The following LARP4 variants were observed in gnomAD, a reference collection of about 807,000 sequenced individuals.
LARP4 encodes the protein La ribonucleoprotein 4.
Under a neutral mutation model 92.9 loss-of-function variants are expected in LARP4, and 29 were observed. The ratio of observed to expected loss-of-function variants is 0.31; its 90% CI spans 0.23 to 0.43. LARP4 has a LOEUF of 0.43. LARP4 is among the 20% of genes least tolerant of loss of function. LARP4 has a pLI of 1.00. For missense variants in LARP4, 732 were observed against 860.0 expected (o/e 0.85, Z 1.86); for synonymous variants, 279 against 284.1 (o/e 0.98, Z 0.18).
In LARP4 at chr12:50,474,021, C is replaced by A; in HGVS notation, c.1690C>A (p.Leu564Ile). The change falls in exon 15 of 16, where the codon CTA becomes ATA. Residue 564 changes from leucine (L) to isoleucine (I), a missense_variant. Leu to Ile is a conservative substitution (Grantham distance 5, BLOSUM62 2). This residue lies in a region of LARP4 where 97 missense variants were observed against 85.9 expected (regional missense o/e 1.13). Coordinates refer to ENST00000398473, the MANE Select transcript of LARP4 (RefSeq NM_052879.5). Reference protein sequence around the residue: ...ALSTTQQEKDLIEDSSVQKDG... With the variant: ...ALSTTQQEKDIIEDSSVQKDG... ...TAGCACAACTCAGCAAGAAAAGGAT[C>A]TAATAGAAGATTCCTCTGTTCAGAA... 6.2e-7 allele frequency: 1 copy of A among 1,611,774 alleles called. No homozygotes were observed. Among genetic ancestry groups the A allele is most frequent in the Non-Finnish European group, 8.5e-7 (1 of 1,179,822 alleles).
intron 1 of LARP4, among the ~76,000 whole-genome samples, chr12:50,426,733 T>G (rs1370047703): frequency 7.0e-3 from 458 of 65,878 alleles, no homozygotes; most frequent in East Asian, 0.047. Context: ...GTGTGTGTGG[T>G]TTTTTTTTTT....
intron 8 of LARP4, among the ~76,000 whole-genome samples, chr12:50,446,003 C>CTTTTTTTTTT (rs71441367): frequency 2.4e-5 from 3 of 126,942 alleles, no homozygotes; most frequent in South Asian, 2.7e-4. Flanking sequence ...TTTCTTTTTT[C>CTTTTTTTTTT]TTTTTTTTTT....
At chr12:50,446,581 A>G (rs1233059527) in intron 8 of LARP4, among the ~76,000 whole-genome samples, 1 of 148,212 alleles carries the variant, frequency 6.7e-6, no homozygotes, top group Non-Finnish European at 1.5e-5. Context: ...GACGCATGCC[A>G]CCATGCTTGG....
chr12:50,401,877 T>C (rs1020936304), intron 1 of LARP4, among the ~76,000 whole-genome samples: 1 of 152,222 alleles, frequency 6.6e-6, no homozygotes, highest in Non-Finnish European at 1.5e-5. Context: ...CTTACAGAAA[T>C]ACGAAATTTA....
At chr12:50,458,387 C>G (rs1224289571) in intron 10 of LARP4, among the ~76,000 whole-genome samples, 3 of 152,102 alleles carry the variant, frequency 2.0e-5, no homozygotes, top group African/African-American at 7.2e-5. Flanking sequence ...GCCTTGGCCT[C>G]CCAAAGTGCT....
intron 8 of LARP4, 109 bp from the exon 9 acceptor site, chr12:50,453,351 G>T: frequency 1.7e-6 from 1 of 598,762 alleles, no homozygotes; most frequent in South Asian, 2.7e-5. Context: ...TGATTCTACT[G>T]TAGGCAGAAA....
intron 2 of LARP4, among the ~76,000 whole-genome samples, chr12:50,428,426 G>A (rs988374758): frequency 1.3e-5 from 2 of 152,042 alleles, no homozygotes; most frequent in Non-Finnish European, 2.9e-5. Context: ...CATGTAGTTT[G>A]TATATAATTC....
At chr12:50,463,664 A>AAGGCCTT (rs1955766333) in intron 12 of LARP4, among the ~76,000 whole-genome samples, 2 of 152,120 alleles carry the variant, frequency 1.3e-5, no homozygotes, top group African/African-American at 4.8e-5. Flanking sequence ...TTGGGCTCCC[A>AAGGCCTT]AGGCCTTAGG....
intron 8 of LARP4, among the ~76,000 whole-genome samples, chr12:50,444,735 T>A (rs1951741322): frequency 6.6e-6 from 1 of 152,224 alleles, no homozygotes; most frequent in African/African-American, 2.4e-5. Context: ...ACTCATTTCC[T>A]AATTTATTGA....
At chr12:50,475,486 A>C in intron 15 of LARP4, 40 bp from the exon 16 acceptor site, 2 of 1,435,234 alleles carry the variant, frequency 1.4e-6, no homozygotes, top group Non-Finnish European at 1.9e-6. Context: ...AATTTAAAGA[A>C]TGTGTACCAT....
rs1957500377 is a variant in LARP4 at position 50,475,914 on chromosome 12, A to G, written c.*50A>G. The G allele has an allele frequency of 1.3e-6, 2 of 1,514,304 alleles. No individual in the cohort carries two copies. The highest frequency in any genetic ancestry group is 2.4e-5 in the South Asian group (2 of 85,018). 93.8% of individuals were successfully genotyped at this position (1,514,304 alleles called of 1,614,324 possible). A position where few individuals can be genotyped will look rare whatever the true frequency, so the allele number is the denominator to read the frequency against. On this transcript the variant is annotated 3_prime_UTR_variant, in exon 16 of 16. Transcript: ENST00000398473. Reference sequence around the variant, plus strand: ...TTCACTCTCTTCCCATTAAACTTGAACTGTGGCTATATTGAACTGTTTTGG... The same window carrying G: ...TTCACTCTCTTCCCATTAAACTTGAGCTGTGGCTATATTGAACTGTTTTGG...
In LARP4 at chr12:50,454,246, T is replaced by C. The variant is rs1953811815; in HGVS notation, c.1018-68T>C. On this transcript the variant is annotated intron_variant, in intron 9 of 15. Coordinates refer to ENST00000398473, the MANE Select transcript of LARP4 (RefSeq NM_052879.5). ...AGATAAATTCATAAGCTCATTAAGG[T>C]TCTTGTGACCCTCACACCAGATTTT... 6.1e-6 allele frequency: 7 copies of C among 1,146,256 alleles called. No homozygotes were observed. In the South Asian group the frequency reaches 9.8e-5, roughly 16 times the overall value. The allele number at this position is 1,146,256 out of a possible 1,614,324, so 71.0% of individuals were successfully genotyped here. A position where few individuals can be genotyped will look rare whatever the true frequency, so the allele number is the denominator to read the frequency against.
intron 5 of LARP4, 97 bp downstream of exon 5, chr12:50,435,721 C>A: frequency 1.2e-6 from 1 of 824,286 alleles, no homozygotes; most frequent in Non-Finnish European, 1.9e-6. Context: ...ACTGCCCCCT[C>A]CCCACACCCT....
At position 50,400,948 on chromosome 12, in the gene LARP4, C is replaced by A. The variant is rs1943693183; in HGVS notation, c.-63C>A. ...TGTGTCCTTATCCTAGCAATTGGGGCGCGGGCCTGTGAGCCAGTTGGAGTT... is the reference window on the plus strand; with the variant it reads ...TGTGTCCTTATCCTAGCAATTGGGGAGCGGGCCTGTGAGCCAGTTGGAGTT... On this transcript the variant is annotated 5_prime_UTR_variant, in exon 1 of 16. Transcript: ENST00000398473. 3 of 1,610,852 alleles carry A rather than the reference C, an allele frequency of 1.9e-6. No homozygotes were observed. The South Asian group carries it at 3.3e-5, about 18-fold the overall frequency.
intron 6 of LARP4, 24 bp downstream of exon 6, chr12:50,437,862 A>C (rs762326838): frequency 1.5e-6 from 2 of 1,373,894 alleles, no homozygotes; most frequent in East Asian, 2.3e-5. Flanking sequence ...AATTGTTAAC[A>C]CTAAATGTTC....
chr12:50,439,617 C>T (rs1463171620), intron 6 of LARP4, among the ~76,000 whole-genome samples: 3 of 152,094 alleles, frequency 2.0e-5, no homozygotes, highest in Non-Finnish European at 4.4e-5. Flanking sequence ...GCTGTACAGG[C>T]TCATCCTGAG....
intron 4 of LARP4, among the ~76,000 whole-genome samples, chr12:50,432,200 C>T (rs1949760214): frequency 6.6e-6 from 1 of 152,158 alleles, no homozygotes; most frequent in Non-Finnish European, 1.5e-5. Flanking sequence ...TAATTTACTG[C>T]CTTTTTGTAT....
intron 1 of LARP4, among the ~76,000 whole-genome samples, chr12:50,427,444 C>T (rs577991710): frequency 2.5e-4 from 38 of 152,104 alleles, no homozygotes; most frequent in Non-Finnish European, 4.6e-4. Context: ...ACTGTAGCCT[C>T]GAACTTCCTG....
chr12:50,465,425 A>G (rs536191914), intron 12 of LARP4, among the ~76,000 whole-genome samples: 1 of 151,704 alleles, frequency 6.6e-6, no homozygotes, highest in South Asian at 2.1e-4. Context: ...AATATGTTGT[A>G]AATGTCATGA....
Sources: allele counts gnomAD v4.1 joint callset (sites outside exome capture counted in the v4.1 genomes callset), GRCh38; gene constraint gnomAD v4.1.1; regional missense constraint gnomAD v4.1.1; transcripts MANE v1.5; gene names NCBI Gene and HGNC (gene_info 2026-07-23, HGNC 2026-07-21).